CAST: variants seen among roughly 807,000 people sequenced by gnomAD.
CAST encodes calpastatin.
CAST carries 76 observed loss-of-function variants against 119.6 expected under a neutral mutation model. The observed-to-expected ratio is 0.64, with a 90% CI of 0.53 to 0.77. The LOEUF is 0.77. Ranked by LOEUF, CAST falls within the 30% of genes least tolerant of loss-of-function variation. The pLI is 0.00. For synonymous variants in CAST, 319 were observed against 331.6 expected (o/e 0.96, Z 0.41); for missense variants, 953 against 946.5 (o/e 1.01, Z -0.09).
At chr5:96,090,828 A>T in the CAST span, among the ~76,000 whole-genome samples, 2 of 150,788 alleles carry the variant, frequency 1.3e-5, no homozygotes, top group Admixed American at 1.3e-4. Context: ...TGTGGCCTCC[A>T]TCTAGTTGCT....
chr5:96,085,023 C>A, the CAST span, among the ~76,000 whole-genome samples: 2 of 152,146 alleles, frequency 1.3e-5, no homozygotes, highest in African/African-American at 2.4e-5. Flanking sequence ...TCTTTCTACC[C>A]CATTCCAGCT....
At chr5:96,297,459 G>A in the CAST span, among the ~76,000 whole-genome samples, 2 of 152,188 alleles carry the variant, frequency 1.3e-5, no homozygotes, top group African/African-American at 4.8e-5. Context: ...TGCTGCTGGT[G>A]AGGGAGAGAA....
At chr5:96,589,565 A>G (rs1180274794) in intron 1 of CAST, among the ~76,000 whole-genome samples, 2 of 152,190 alleles carry the variant, frequency 1.3e-5, no homozygotes, top group African/African-American at 2.4e-5. Context: ...GAGATGGAAC[A>G]TATCACCTAT....
chr5:96,151,350 G>A, the CAST span, among the ~76,000 whole-genome samples: 13 of 152,218 alleles, frequency 8.5e-5, no homozygotes, highest in East Asian at 3.9e-4. Flanking sequence ...TTATAAAACC[G>A]TGACACCAGG....
chr5:96,525,733 A>G (rs1255264696), upstream of CAST, among the ~76,000 whole-genome samples: 1 of 152,226 alleles, frequency 6.6e-6, no homozygotes, highest in Non-Finnish European at 1.5e-5. Flanking sequence ...TATAAGCATC[A>G]TAGGAAACCA....
the CAST span, among the ~76,000 whole-genome samples, chr5:96,038,771 T>A: frequency 6.6e-6 from 1 of 152,202 alleles, no homozygotes; most frequent in Non-Finnish European, 1.5e-5. Context: ...CAGTCTATCA[T>A]TGATGGACAT....
At chr5:96,373,283 G>A in the CAST span, among the ~76,000 whole-genome samples, 17 of 152,218 alleles carry the variant, frequency 1.1e-4, no homozygotes, top group South Asian at 3.5e-3. Context: ...GATGACAGAG[G>A]GCACCAAGGG....
chr5:96,606,922 A>C (rs1747267189), intron 1 of CAST, among the ~76,000 whole-genome samples: 1 of 152,234 alleles, frequency 6.6e-6, no homozygotes, highest in Non-Finnish European at 1.5e-5. Flanking sequence ...CTGAATCAGA[A>C]ACTCTGGGAA....
the CAST span, among the ~76,000 whole-genome samples, chr5:96,285,834 A>G: frequency 6.6e-6 from 1 of 152,210 alleles, no homozygotes; most frequent in Non-Finnish European, 1.5e-5. Flanking sequence ...TTAAATATTA[A>G]TCTTCAATAG....
At chr5:96,137,190 C>G in the CAST span, among the ~76,000 whole-genome samples, 1 of 152,116 alleles carries the variant, frequency 6.6e-6, no homozygotes, top group South Asian at 2.1e-4. Context: ...GTTGTATGAG[C>G]CCCCTAACCA....
chr5:96,328,220 A>G, the CAST span, among the ~76,000 whole-genome samples: 1 of 152,218 alleles, frequency 6.6e-6, no homozygotes, highest in East Asian at 1.9e-4. Flanking sequence ...TGTCAGCTCC[A>G]TCAGGCCACT....
At chr5:96,525,484 T>C (rs1299238729), upstream of CAST, 4 of 152,214 alleles carry the variant, frequency 2.6e-5, no homozygotes, top group Non-Finnish European at 5.9e-5. Context: ...GAACCATCCT[T>C]CAGCTGAGTC....
intron 1 of CAST, among the ~76,000 whole-genome samples, chr5:96,626,115 T>C (rs1004519296): frequency 6.6e-6 from 1 of 152,186 alleles, no homozygotes; most frequent in East Asian, 1.9e-4. Context: ...CATCCTGGCA[T>C]CTGCTTCTCC....
chr5:95,975,186 A>C, the CAST span, among the ~76,000 whole-genome samples: 3 of 152,224 alleles, frequency 2.0e-5, no homozygotes, highest in Admixed American at 2.0e-4. Flanking sequence ...TTCTAATGCT[A>C]AGAAGTGCTG....
the CAST span, among the ~76,000 whole-genome samples, chr5:96,457,706 T>G: frequency 6.6e-6 from 1 of 152,226 alleles, no homozygotes; most frequent in Non-Finnish European, 1.5e-5. Flanking sequence ...TGAATTACAT[T>G]TTTTGAAGGA....
At chr5:96,559,276 C>A (rs1219737610) in intron 1 of CAST, among the ~76,000 whole-genome samples, 1 of 152,156 alleles carries the variant, frequency 6.6e-6, no homozygotes, top group East Asian at 1.9e-4. Flanking sequence ...AAACTGGAAG[C>A]ATTCCCTTTG....
the CAST span, among the ~76,000 whole-genome samples, chr5:96,503,691 G>C: frequency 5.3e-5 from 8 of 152,184 alleles, no homozygotes; most frequent in African/African-American, 1.9e-4. Context: ...TGAAAAATGC[G>C]GACTCCTTCT....
the CAST span, among the ~76,000 whole-genome samples, chr5:96,011,936 A>T: frequency 3.9e-4 from 60 of 152,194 alleles, no homozygotes; most frequent in Non-Finnish European, 6.2e-4. Context: ...TGCATAGTAC[A>T]TTTATGGAAT....
At position 96,754,107 on chromosome 5, in the gene CAST, G is replaced by T. The variant is rs1765760964; in HGVS notation, c.1572G>T (p.Leu524=). The T allele has an allele frequency of 6.2e-7, 1 of 1,613,668 alleles. No individual in the cohort carries two copies. The highest frequency in any genetic ancestry group is 1.1e-5 in the South Asian group (1 of 91,082). Residue 524 remains leucine, a synonymous_variant, in exon 21 of 32, where the codon CTG becomes CTT. Coordinates refer to ENST00000675179, the MANE Select transcript of CAST (RefSeq NM_001750.7). ...DDAVEALADS[L]GKKEADPEDG... is the part of the protein sequence containing the mutation. ...CTGTAGAAGCCTTGGCTGATAGCCTGGGGAAAAAGGAAGCAGATCCAGAAG... is the reference window on the plus strand; with the variant it reads ...CTGTAGAAGCCTTGGCTGATAGCCTTGGGAAAAAGGAAGCAGATCCAGAAG...
Sources: gnomAD v4.1 joint callset for allele counts (sites outside exome capture counted in the v4.1 genomes callset) on GRCh38, gnomAD v4.1.1 for gene constraint, MANE v1.5 for transcripts, NCBI Gene and HGNC (gene_info 2026-07-23, HGNC 2026-07-21) for gene names.